HMGB1: variants seen among roughly 807,000 people sequenced by gnomAD.
HMGB1 encodes high mobility group box 1, also known as high mobility group protein B1.
For synonymous variants in HMGB1, 81 were observed against 84.0 expected (o/e 0.96, Z 0.19); for missense variants, 79 against 253.5 (o/e 0.31, Z 4.67).
At chr13:30,567,118 G>T (rs956049796) in intron 1 of HMGB1, among the ~76,000 whole-genome samples, 3 of 152,174 alleles carry the variant, frequency 2.0e-5, no homozygotes, top group Non-Finnish European at 4.4e-5. Flanking sequence ...TTTAGGCACA[G>T]TTACTAGTTT....
intron 1 of HMGB1, among the ~76,000 whole-genome samples, chr13:30,543,730 A>G (rs1025773806): frequency 1.2e-4 from 19 of 152,126 alleles, no homozygotes; most frequent in Non-Finnish European, 2.2e-4. Flanking sequence ...TGAAGCCCCA[A>G]CTGCAAAATA....
At position 30,538,574 on chromosome 13, in the gene HMGB1, TTC is replaced by T. The variant is rs1491193367; in HGVS notation, c.-14-74882_-14-74881del. Among the ~76,000 whole-genome samples the T allele has an allele frequency of 9.0e-5, 11 of 121,974 alleles. 1 individual carries two copies. Among genetic ancestry groups the T allele is most frequent in the Non-Finnish European group, 1.7e-4 (11 of 66,414 alleles). 80.0% of individuals were successfully genotyped at this position (121,974 alleles called of 152,430 possible). A position where few individuals can be genotyped will look rare whatever the true frequency, so the allele number is the denominator to read the frequency against. On this transcript the variant is annotated intron_variant, in intron 1 of 4. Transcript: ENST00000405805. ...CTTTCTTTTTCTTTCTTCTTTTTCT[TTC>T]TTTCTTTCTTTTTCTTTCTTCTTTT...
chr13:30,524,190 G>C (rs1888302939), intron 1 of HMGB1, among the ~76,000 whole-genome samples: 1 of 151,940 alleles, frequency 6.6e-6, no homozygotes, highest in Non-Finnish European at 1.5e-5. Context: ...GCCTGTCAAG[G>C]GGTGGGGAGC....
intron 1 of HMGB1, among the ~76,000 whole-genome samples, chr13:30,557,366 A>G (rs947008877): frequency 3.9e-5 from 6 of 152,186 alleles, no homozygotes; most frequent in Non-Finnish European, 7.3e-5. Flanking sequence ...CGAGTTCCAG[A>G]GCTAAAAAGA....
In HMGB1 at chr13:30,459,451, T is replaced by C. The variant is rs1489284768; in HGVS notation, c.*1906A>G. The C allele has an allele frequency of 6.6e-6, 1 of 152,214 alleles. No homozygotes were observed. Among genetic ancestry groups the C allele is most frequent in the African/African-American group, 2.4e-5 (1 of 41,450 alleles). The allele number at this position is 152,214 out of a possible 1,614,324, so 9.4% of individuals were successfully genotyped here. On this transcript the variant is annotated 3_prime_UTR_variant, in exon 5 of 5. Coordinates refer to ENST00000341423, the MANE Select transcript of HMGB1 (RefSeq NM_002128.7). ...GATCAGAATTATTAATGTTGGTGATTAATGGTGATTTCTATACAGTAGAAA... is the reference window on the plus strand; with the variant it reads ...GATCAGAATTATTAATGTTGGTGATCAATGGTGATTTCTATACAGTAGAAA...
intron 1 of HMGB1, among the ~76,000 whole-genome samples, chr13:30,519,632 G>A (rs1432188889): frequency 2.0e-5 from 3 of 151,674 alleles, no homozygotes; most frequent in Non-Finnish European, 2.9e-5. Context: ...CCCAGGAGAC[G>A]GAGCTTGCAG....
intron 1 of HMGB1, among the ~76,000 whole-genome samples, chr13:30,612,236 TACAC>T: frequency 6.6e-6 from 1 of 152,050 alleles, no homozygotes; most frequent in East Asian, 1.9e-4. Context: ...TACACATATA[TACAC>T]ACACATACAT....
upstream of HMGB1, among the ~76,000 whole-genome samples, chr13:30,468,348 T>C (rs893631224): frequency 1.3e-5 from 2 of 152,046 alleles, no homozygotes; most frequent in Admixed American, 6.5e-5. Context: ...CTACACCTCC[T>C]GGTTCAATCG....
At position 30,459,706 on chromosome 13, in the gene HMGB1, CAT is replaced by C. The variant is rs1886187907; in HGVS notation, c.*1649_*1650del. On this transcript the variant is annotated 3_prime_UTR_variant, in exon 5 of 5. Coordinates refer to ENST00000341423, the MANE Select transcript of HMGB1 (RefSeq NM_002128.7). ...ATCAGCCCATTAACCTATTTATAAG[CAT>C]AAAGTGAGTATTTTTAAAGGGAAAA... is the stretch of plus-strand genomic sequence containing the variant. The C allele has an allele frequency of 6.6e-6, 1 of 152,080 alleles. No individual in the cohort carries two copies. Among genetic ancestry groups the C allele is most frequent in the African/African-American group, 2.4e-5 (1 of 41,412 alleles). 9.4% of individuals were successfully genotyped at this position (152,080 alleles called of 1,614,324 possible).
At chr13:30,562,011 G>A (rs1869974046) in intron 1 of HMGB1, among the ~76,000 whole-genome samples, 1 of 152,152 alleles carries the variant, frequency 6.6e-6, no homozygotes. Context: ...AGAGAAAAGA[G>A]TGTCTTATAC....
At chr13:30,536,382 A>T (rs988294457) in intron 1 of HMGB1, among the ~76,000 whole-genome samples, 1 of 151,978 alleles carries the variant, frequency 6.6e-6, no homozygotes, top group Non-Finnish European at 1.5e-5. Flanking sequence ...TTAAAAACTA[A>T]TTTTGTTTTT....
chr13:30,514,251 T>G (rs1417138201), intron 1 of HMGB1, among the ~76,000 whole-genome samples: 1 of 151,756 alleles, frequency 6.6e-6, no homozygotes, highest in Non-Finnish European at 1.5e-5. Flanking sequence ...ATTGATTGAG[T>G]TATAAACCCC....
intron 1 of HMGB1, among the ~76,000 whole-genome samples, chr13:30,584,536 T>C (rs1871058714): frequency 6.6e-6 from 1 of 152,226 alleles, no homozygotes; most frequent in Admixed American, 6.5e-5. Context: ...GTTTCATTCC[T>C]GTATCATCAG....
chr13:30,488,645 TTTATTATTATTATTA>T (rs58604214), intron 1 of HMGB1, among the ~76,000 whole-genome samples: 60,818 of 137,692 alleles, frequency 0.44, 14,810 homozygotes, highest in Non-Finnish European at 0.55. Context: ...AATTTTTAAT[TTTATTATTATTATTA>T]TTATTATTAT....
At chr13:30,535,717 A>G (rs1333946843) in intron 1 of HMGB1, among the ~76,000 whole-genome samples, 2 of 152,154 alleles carry the variant, frequency 1.3e-5, no homozygotes, top group East Asian at 3.9e-4. Flanking sequence ...TGGCGAAACC[A>G]CATCTCTACT....
chr13:30,575,458 A>T (rs1593321339), intron 1 of HMGB1, among the ~76,000 whole-genome samples: 1 of 152,176 alleles, frequency 6.6e-6, no homozygotes, highest in African/African-American at 2.4e-5. Context: ...TACCTCCTGA[A>T]GTGCTCAACA....
intron 1 of HMGB1, among the ~76,000 whole-genome samples, chr13:30,589,007 C>CTTTTTTTTTTTTTTTTTTTTTTT (rs1292576513): frequency 7.1e-6 from 1 of 141,724 alleles, no homozygotes; most frequent in African/African-American, 2.6e-5. Context: ...TAGTTTACCA[C>CTTTTTTTTTTTTTTTTTTTTTTT]TTTTTTTTTT....
In HMGB1 at chr13:30,611,793, T is replaced by C. The variant is rs147920186; in HGVS notation, c.-15+4878A>G. On this transcript the variant is annotated intron_variant, in intron 1 of 4. Transcript: ENST00000405805. Reference sequence around the variant, plus strand: ...AAGCTTTTTGGCTCTGTGCATCTCTTCATCTGGCTGTTCATCTGTACCCTT... The same window carrying C: ...AAGCTTTTTGGCTCTGTGCATCTCTCCATCTGGCTGTTCATCTGTACCCTT... Among the ~76,000 whole-genome samples the C allele has an allele frequency of 2.2e-3, 340 of 151,972 alleles. 3 individuals are homozygous for C. In the South Asian group the frequency reaches 0.025, roughly 11 times the overall value.
chr13:30,566,880 G>C (rs1368843080), intron 1 of HMGB1, among the ~76,000 whole-genome samples: 1 of 152,198 alleles, frequency 6.6e-6, no homozygotes, highest in African/African-American at 2.4e-5. Context: ...CACCTAAATA[G>C]AAACTGTGAT....
Sources: allele counts gnomAD v4.1 joint callset (sites outside exome capture counted in the v4.1 genomes callset), GRCh38; gene constraint gnomAD v4.1.1; transcripts MANE v1.5; gene names NCBI Gene and HGNC (gene_info 2026-07-23, HGNC 2026-07-21).